The following USP1 variants were observed in gnomAD, a reference collection of about 807,000 sequenced individuals.
USP1 encodes the protein ubiquitin carboxyl-terminal hydrolase 1.
USP1 carries 18 observed loss-of-function variants against 72.2 expected under a neutral mutation model. The ratio of observed to expected loss-of-function variants is 0.25; its 90% CI spans 0.17 to 0.37. USP1 has a LOEUF of 0.37. USP1 is among the 10% of genes least tolerant of loss of function. The pLI is 1.00. For synonymous variants in USP1, 354 were observed against 303.7 expected (o/e 1.17, Z -1.72); for missense variants, 759 against 884.9 (o/e 0.86, Z 1.81).
chr1:62,448,437 A>AT (rs764844924), intron 7 of USP1, 28 bp from the exon 8 acceptor site: 1 of 1,604,040 alleles, frequency 6.2e-7, no homozygotes, highest in East Asian at 2.2e-5. Context: ...TGAGAGAAGT[A>AT]TTTGAGTGAA....
chr1:62,451,649 T>C lies in USP1; in HGVS notation c.*668T>C, dbSNP rs1645222354. 1 of 152,654 alleles carries C rather than the reference T, an allele frequency of 6.6e-6. No homozygotes were observed. The highest frequency in any genetic ancestry group is 6.5e-5 in the Admixed American group (1 of 15,276). The allele number at this position is 152,654 out of a possible 1,614,324, so 9.5% of individuals were successfully genotyped here. ...TTTAACTCATATTCTGCACGATCTG[T>C]ATATAGTACATCAAACTTAGAGGTG... is the stretch of plus-strand genomic sequence containing the variant. On this transcript the variant is annotated 3_prime_UTR_variant, in exon 9 of 9. Transcript: ENST00000339950.
At chr1:62,442,949 C>T (rs1467218779) in intron 4 of USP1, among the ~76,000 whole-genome samples, 1 of 152,068 alleles carries the variant, frequency 6.6e-6, no homozygotes, top group Non-Finnish European at 1.5e-5. Context: ...CTCCAGTGAG[C>T]CGCGATCAAG....
In USP1 at chr1:62,450,363, G is replaced by C; in HGVS notation, c.1740G>C (p.Ala580=). The part of the protein sequence containing the change: ...KPTNDSYGLF[A]VVMHSGITIS... ...CTAACGACAGCTATGGATTATTTGC[G>C]GTTGTGATGCATAGTGGCATTACAA... is the stretch of plus-strand genomic sequence containing the variant. The change falls in exon 9 of 9, where the codon GCG becomes GCC. Residue 580 remains alanine, a synonymous_variant. Transcript: ENST00000339950. The C allele has an allele frequency of 1.9e-6, 3 of 1,614,092 alleles. No homozygotes were observed. The highest frequency in any genetic ancestry group is 2.5e-6 in the Non-Finnish European group (3 of 1,180,010).
intron 2 of USP1, 111 bp from the exon 3 acceptor site, chr1:62,441,377 A>C (rs1041254140): frequency 2.4e-6 from 3 of 1,268,200 alleles, no homozygotes; most frequent in South Asian, 1.9e-5. Flanking sequence ...CAAGATTCAC[A>C]TACTTTTCAG....
intron 5 of USP1, 114 bp from the exon 6 acceptor site, chr1:62,444,624 C>A: frequency 2.3e-6 from 2 of 882,242 alleles, no homozygotes; most frequent in Non-Finnish European, 3.1e-6. Context: ...AATGTCTTGA[C>A]ATTTAAAAAA....
At chr1:62,450,183 G>T (rs2149208397) in intron 8 of USP1, 63 bp from the exon 9 acceptor site, 1 of 1,536,976 alleles carries the variant, frequency 6.5e-7, no homozygotes, top group South Asian at 1.3e-5. Flanking sequence ...TTTCAGATTG[G>T]GGTATAACAT....
At chr1:62,442,791 G>A (rs775873028) in intron 4 of USP1, among the ~76,000 whole-genome samples, 5 of 152,042 alleles carry the variant, frequency 3.3e-5, no homozygotes, top group Admixed American at 6.5e-5. Flanking sequence ...TTGCTTGAGC[G>A]CAAGAGTTTG....
intron 2 of USP1, among the ~76,000 whole-genome samples, chr1:62,440,334 G>A (rs562665396): frequency 6.6e-6 from 1 of 151,670 alleles, no homozygotes; most frequent in African/African-American, 2.4e-5. Context: ...TATTTGTAGT[G>A]CAAAACATCT....
At chr1:62,449,268 A>G (rs960877798) in intron 8 of USP1, among the ~76,000 whole-genome samples, 1 of 152,266 alleles carries the variant, frequency 6.6e-6, no homozygotes, top group African/African-American at 2.4e-5. Context: ...CAGGGAACAA[A>G]TTTTGTATAC....
intron 6 of USP1, among the ~76,000 whole-genome samples, chr1:62,445,750 G>A (rs763958957): frequency 2.0e-5 from 3 of 152,042 alleles, no homozygotes; most frequent in Non-Finnish European, 4.4e-5. Flanking sequence ...AGGCCTAGGC[G>A]GGCAGATCAC....
At position 62,443,202 on chromosome 1, in the gene USP1, G is replaced by A. The variant is rs774159913; in HGVS notation, c.440G>A (p.Cys147Tyr). The A allele has an allele frequency of 1.2e-6, 2 of 1,613,646 alleles. No homozygotes were observed. The highest frequency in any genetic ancestry group is 1.7e-6 in the Non-Finnish European group (2 of 1,179,908). ...TCTTTGGCAAGTTATGAATTGATAT[G>A]CAGTTTACAGTCCTTAATCATTTCG... ...EDSLASYELI[C>Y]SLQSLIISVE... The change falls in exon 5 of 9, where the codon TGC becomes TAC. Residue 147 changes from cysteine to tyrosine, a missense_variant. Transcript: ENST00000339950.
At chr1:62,447,576 G>A (rs1645184384) in intron 7 of USP1, 65 bp downstream of exon 7, 2 of 1,525,366 alleles carry the variant, frequency 1.3e-6, no homozygotes, top group East Asian at 2.3e-5. Context: ...ACAACACAAA[G>A]TTTAATAGTA....
chr1:62,447,386 G>A lies in USP1; in HGVS notation c.1295G>A (p.Gly432Asp). The change falls in exon 7 of 9, where the codon GGT becomes GAT. Residue 432 changes from glycine (G) to aspartate (D), a missense_variant. Physicochemically the swap from Gly to Asp is moderately conservative, Grantham distance 94 (BLOSUM62 -1). This residue lies in a region of USP1 where 140 missense variants were observed against 222.8 expected (regional missense o/e 0.63). Coordinates refer to ENST00000339950, the MANE Select transcript of USP1 (RefSeq NM_003368.5). ...GAGCTAGTGGAGAAATTATTTCAAG[G>A]TCAGCTGGTATTAAGGACGCGTTGC... ...GFELVEKLFQGQLVLRTRCLE... is the reference protein window; with the variant it reads ...GFELVEKLFQDQLVLRTRCLE... 6.2e-7 allele frequency: 1 copy of A among 1,613,574 alleles called. No homozygotes were observed. Among genetic ancestry groups the A allele is most frequent in the Non-Finnish European group, 8.5e-7 (1 of 1,179,910 alleles).
At position 62,447,979 on chromosome 1, in the gene USP1, G is replaced by A. The variant is rs571820623; in HGVS notation, c.1420+468G>A. ...TTTTTTGTATTTTTAGTAGAGACGG[G>A]GTTTCACCATGTTAGCCAGGATGGT... is the stretch of plus-strand genomic sequence containing the variant. On this transcript the variant is annotated intron_variant, in intron 7 of 8. Transcript: ENST00000339950. Among the ~76,000 whole-genome samples, 130 of 152,194 alleles carry A rather than the reference G, an allele frequency of 8.5e-4. 3 individuals carry two copies. Among genetic ancestry groups the A allele is most frequent in the Middle Eastern group, 3.4e-3 (1 of 294 alleles).
At chr1:62,447,194 C>T in intron 6 of USP1, 147 bp from the exon 7 acceptor site, 2 of 730,718 alleles carry the variant, frequency 2.7e-6, no homozygotes, top group Non-Finnish European at 4.2e-6. Context: ...AATAGGGTAC[C>T]TCTAATAAGC....
rs748549973 is a variant in USP1 at position 62,448,459 on chromosome 1, T to G, written c.1421-6T>G. The G allele has an allele frequency of 6.2e-7, 1 of 1,612,428 alleles. No homozygotes were observed. The highest frequency in any genetic ancestry group is 8.5e-7 in the Non-Finnish European group (1 of 1,179,296). ...AGTATTTGAGTGAAAGGATTCTCTT[T>G]TTTAGTTTCTCCAGAGCCAAAAACA... On this transcript the variant is annotated splice_polypyrimidine_tract_variant and splice_region_variant and intron_variant, in intron 7 of 8. Transcript: ENST00000339950.
Position 62,451,029 on chromosome 1 carries a change from A to G in USP1, c.*48A>G. On this transcript the variant is annotated 3_prime_UTR_variant, in exon 9 of 9. Transcript: ENST00000339950. ...ATATATTAAACACACCCATACAAAC[A>G]TTGGTAAAGTTGATTACATCAAAGA... The G allele has an allele frequency of 6.8e-7, 1 of 1,479,026 alleles. No individual in the cohort carries two copies. The highest frequency in any genetic ancestry group is 9.0e-7 in the Non-Finnish European group (1 of 1,115,106). The allele number at this position is 1,479,026 out of a possible 1,614,324, so 91.6% of individuals were successfully genotyped here.
intron 6 of USP1, among the ~76,000 whole-genome samples, chr1:62,445,946 T>C (rs1021734453): frequency 2.0e-5 from 3 of 151,850 alleles, no homozygotes; most frequent in Non-Finnish European, 4.4e-5. Context: ...GCCACTGCAC[T>C]CCAGCCTGGG....
At chr1:62,447,292 A>ATATATATATAT in intron 6 of USP1, 49 bp from the exon 7 acceptor site, 1 of 1,527,164 alleles carries the variant, frequency 6.5e-7, no homozygotes, top group Non-Finnish European at 8.8e-7. Context: ...TTTGGACTAT[A>ATATATATATAT]ATGAGAAACT....
Sources: allele counts gnomAD v4.1 joint callset (sites outside exome capture counted in the v4.1 genomes callset), GRCh38; gene constraint gnomAD v4.1.1; regional missense constraint gnomAD v4.1.1; transcripts MANE v1.5; gene names NCBI Gene and HGNC (gene_info 2026-07-23, HGNC 2026-07-21).